Variants in NOSTRIN observed in about 807,000 individuals in gnomAD.
NOSTRIN encodes the protein nitric oxide synthase trafficking.
A neutral mutation model predicts 59.0 loss-of-function variants in NOSTRIN; 63 were observed. The observed-to-expected ratio is 1.07, with a 90% CI of 0.87 to 1.32. NOSTRIN has a LOEUF of 1.32. NOSTRIN is among the 40% of genes most tolerant of loss of function. The pLI, the probability that NOSTRIN is intolerant of heterozygous loss-of-function variation, is 0.00. For missense variants in NOSTRIN, 512 were observed against 473.1 expected, an observed-to-expected ratio of 1.08 and a Z score of -0.76; for synonymous variants, 200 against 165.4, an observed-to-expected ratio of 1.21 and a Z score of -1.61.
At chr2:168,808,182 A>G (rs1156259164) in intron 1 of NOSTRIN, among the ~76,000 whole-genome samples, 1 of 152,084 alleles carries the variant, frequency 6.6e-6, no homozygotes, top group East Asian at 1.9e-4. Flanking sequence ...AACTGGTTCT[A>G]CTCATTTCTA....
intron 7 of NOSTRIN, among the ~76,000 whole-genome samples, 182 bp downstream of exon 7, chr2:168,834,507 G>GCGCGCACGCA (rs756381301): frequency 2.2e-4 from 27 of 125,342 alleles, no homozygotes; most frequent in Non-Finnish European, 3.5e-4. Flanking sequence ...GCGCGCGCGC[G>GCGCGCACGCA]CACACACACA....
At chr2:168,841,346 T>C (rs565923613) in intron 7 of NOSTRIN, among the ~76,000 whole-genome samples, 1 of 152,246 alleles carries the variant, frequency 6.6e-6, no homozygotes, top group Non-Finnish European at 1.5e-5. Flanking sequence ...TTCTTTGTTT[T>C]TCAGAAACAT....
chr2:168,810,199 C>T (rs763099144), intron 1 of NOSTRIN, among the ~76,000 whole-genome samples: 9 of 152,174 alleles, frequency 5.9e-5, no homozygotes, highest in Non-Finnish European at 1.2e-4. Context: ...TAGCAATTTC[C>T]TCATTAAAGC....
intron 7 of NOSTRIN, among the ~76,000 whole-genome samples, 182 bp downstream of exon 7, chr2:168,834,507 G>GCACACACACACACACA (rs1553527194): frequency 1.6e-4 from 20 of 125,426 alleles, no homozygotes; most frequent in South Asian, 5.7e-4. Flanking sequence ...GCGCGCGCGC[G>GCACACACACACACACA]CACACACACA....
At chr2:168,819,109 T>C (rs60303657) in intron 2 of NOSTRIN, among the ~76,000 whole-genome samples, 4,531 of 152,302 alleles carry the variant, frequency 0.03, 226 homozygotes, top group African/African-American at 0.1. Flanking sequence ...TTCTGACTAT[T>C]TTAATGAGGG....
chr2:168,849,417 A>C (rs1339462322), intron 8 of NOSTRIN, among the ~76,000 whole-genome samples: 1 of 151,624 alleles, frequency 6.6e-6, no homozygotes, highest in Non-Finnish European at 1.5e-5. Flanking sequence ...GTGCAGTGGC[A>C]TGATCTCAGC....
rs569044786 is a variant in NOSTRIN at position 168,865,269 on chromosome 2, G to T, written c.*299G>T. The T allele has an allele frequency of 2.4e-4, 64 of 265,038 alleles. No individual in the cohort carries two copies. Among genetic ancestry groups the T allele is most frequent in the Non-Finnish European group, 4.2e-4 (58 of 139,212 alleles). 16.4% of individuals were successfully genotyped at this position (265,038 alleles called of 1,614,324 possible). On this transcript the variant is annotated 3_prime_UTR_variant, in exon 16 of 16. Coordinates refer to ENST00000317647, the MANE Select transcript of NOSTRIN (RefSeq NM_001039724.4). ...GTCACAGAAACAGACGGAGTCCAAG[G>T]TGGGTTCAGCTGCTTGCCTGAAGTC... is the stretch of plus-strand genomic sequence containing the variant.
At chr2:168,791,169 T>A (rs1292177143) in intron 2 of NOSTRIN, among the ~76,000 whole-genome samples, 2 of 152,066 alleles carry the variant, frequency 1.3e-5, no homozygotes, top group African/African-American at 4.8e-5. Context: ...CAGTCCCCAG[T>A]GTGTGATGTT....
chr2:168,817,379 G>A (rs2461390), intron 2 of NOSTRIN, among the ~76,000 whole-genome samples: 11,173 of 152,316 alleles, frequency 0.073, 489 homozygotes, highest in Non-Finnish European at 0.1. Context: ...TTTGTGGGGA[G>A]CCCACAGGGG....
rs561461554 is a variant in NOSTRIN at position 168,854,983 on chromosome 2, T to C, written c.856-369T>C. 2.0e-5 allele frequency among the ~76,000 whole-genome samples: 3 copies of C among 152,268 alleles called. No individual in the cohort carries two copies. In the South Asian group the frequency reaches 6.2e-4, roughly 32 times the overall value. Reference sequence around the variant, plus strand: ...CATAGCCTGAAACACATACATGATATTACATTTGGGCCATTAAAGGACTCT... The same window carrying C: ...CATAGCCTGAAACACATACATGATACTACATTTGGGCCATTAAAGGACTCT... On this transcript the variant is annotated intron_variant, in intron 10 of 15. Transcript: ENST00000317647.
At chr2:168,864,674 T>C (rs1443057577) in intron 15 of NOSTRIN, among the ~76,000 whole-genome samples, 160 bp from the exon 16 acceptor site, 2 of 152,228 alleles carry the variant, frequency 1.3e-5, no homozygotes, top group East Asian at 3.8e-4. Context: ...GCCTGCTTTA[T>C]ACACAGGTGT....
At chr2:168,805,609 C>T (rs192384751) in intron 1 of NOSTRIN, among the ~76,000 whole-genome samples, 1 of 152,308 alleles carries the variant, frequency 6.6e-6, no homozygotes, top group Non-Finnish European at 1.5e-5. Context: ...GCTTTTTACA[C>T]ACTCATACAG....
chr2:168,795,991 G>C (rs1003883768), upstream of NOSTRIN, among the ~76,000 whole-genome samples: 2 of 152,200 alleles, frequency 1.3e-5, no homozygotes, highest in Non-Finnish European at 2.9e-5. Context: ...TTAAGGCAAG[G>C]CTTCAGAAAT....
At chr2:168,839,902 T>A (rs55786003) in intron 7 of NOSTRIN, among the ~76,000 whole-genome samples, 44,581 of 79,016 alleles carry the variant, frequency 0.56, 13,821 homozygotes, top group East Asian at 0.73. Context: ...AAAAAAAAAA[T>A]ATATATATAT....
intron 7 of NOSTRIN, among the ~76,000 whole-genome samples, chr2:168,835,336 C>T (rs952434886): frequency 6.6e-6 from 1 of 152,168 alleles, no homozygotes; most frequent in African/African-American, 2.4e-5. Flanking sequence ...GCCTTAGCCT[C>T]TCAAAGTGCT....
chr2:168,831,686 T>C (rs1201155093), intron 6 of NOSTRIN, 152 bp downstream of exon 6: 1 of 590,064 alleles, frequency 1.7e-6, no homozygotes, highest in Non-Finnish European at 3.1e-6. Context: ...TACACAGATA[T>C]ATTTTTCACC....
intron 8 of NOSTRIN, among the ~76,000 whole-genome samples, chr2:168,846,572 C>G (rs943948341): frequency 2.0e-5 from 3 of 152,178 alleles, no homozygotes; most frequent in African/African-American, 4.8e-5. Context: ...CACAATCATA[C>G]TGTATTCTAG....
intron 1 of NOSTRIN, among the ~76,000 whole-genome samples, chr2:168,803,023 C>T (rs1685672585): frequency 6.6e-6 from 1 of 152,144 alleles, no homozygotes; most frequent in African/African-American, 2.4e-5. Flanking sequence ...CAAAAACACA[C>T]AGAATGTCTG....
At chr2:168,809,636 T>A (rs1181969021) in intron 1 of NOSTRIN, among the ~76,000 whole-genome samples, 1 of 151,540 alleles carries the variant, frequency 6.6e-6, no homozygotes, top group Non-Finnish European at 1.5e-5. Flanking sequence ...AAATACTCCC[T>A]TAAACTTTCC....
Sources: allele counts gnomAD v4.1 joint callset (sites outside exome capture counted in the v4.1 genomes callset), GRCh38; gene constraint gnomAD v4.1.1; transcripts MANE v1.5; gene names NCBI Gene and HGNC (gene_info 2026-07-23, HGNC 2026-07-21).